The following COX10 variants were observed in gnomAD, a reference collection of about 807,000 sequenced individuals.
COX10 encodes cytochrome c oxidase assembly factor heme A:farnesyltransferase COX10.
COX10 carries 27 observed loss-of-function variants against 37.3 expected under a neutral mutation model. The ratio of observed to expected loss-of-function variants is 0.72; its 90% CI spans 0.53 to 1.00. The LOEUF is 1.00. Ranked by LOEUF, COX10 falls within the 50% of genes least tolerant of loss-of-function variation. The probability of loss-of-function intolerance (pLI) is 0.00; values close to 1 mark genes in which losing one functional copy is unlikely to be tolerated. For synonymous variants in COX10, 222 were observed against 229.1 expected, an observed-to-expected ratio of 0.97 and a Z score of 0.28; for missense variants, 475 against 563.2, an observed-to-expected ratio of 0.84 and a Z score of 1.59.
At chr17:14,149,238 A>G (rs1189850786) in intron 4 of COX10, among the ~76,000 whole-genome samples, 1 of 152,044 alleles carries the variant, frequency 6.6e-6, no homozygotes, top group Non-Finnish European at 1.5e-5. Flanking sequence ...AAAGATTAAT[A>G]TAAATACTTA....
intron 5 of COX10, 138 bp from the exon 6 acceptor site, chr17:14,191,851 C>T: frequency 3.6e-6 from 3 of 838,114 alleles, no homozygotes; most frequent in Non-Finnish European, 3.9e-6. Context: ...AGAGGATTCC[C>T]CATATCCAGG....
intron 3 of COX10, among the ~76,000 whole-genome samples, chr17:14,100,768 A>G (rs1441632610): frequency 6.6e-6 from 1 of 152,204 alleles, no homozygotes; most frequent in Non-Finnish European, 1.5e-5. Context: ...TTTTCATTTT[A>G]AAAACATCAC....
Position 14,192,142 on chromosome 17 carries a change from C to G in COX10, c.849C>G (p.Ala283=). 6.2e-7 allele frequency: 1 copy of G among 1,614,260 alleles called. No individual in the cohort carries two copies. The highest frequency in any genetic ancestry group is 1.1e-5 in the South Asian group (1 of 91,090). ...CYTPLKRISI[A]NTWVGAVVGA... ...CACCACTGAAAAGGATCAGCATTGC[C>G]AACACATGGGTCGGAGCTGTGGTTG... Residue 283 remains alanine, a synonymous_variant, in exon 6 of 7, where the codon GCC becomes GCG. Transcript: ENST00000261643.
rs1423454046 is a variant in COX10 at position 14,160,055 on chromosome 17, A to G, written c.695+108A>G. 6.2e-6 allele frequency: 6 copies of G among 974,224 alleles called. No individual in the cohort carries two copies. In the Admixed American group the frequency reaches 1.2e-4, roughly 20 times the overall value. The allele number at this position is 974,224 out of a possible 1,614,324, so 60.3% of individuals were successfully genotyped here. A position where few individuals can be genotyped will look rare whatever the true frequency, so the allele number is the denominator to read the frequency against. ...TTGAGCTGCGAAGTGGAAATAAAAT[A>G]CCCACAAAGAAACAAAGTGATATGG... On this transcript the variant is annotated intron_variant, in intron 5 of 6. Coordinates refer to ENST00000261643, the MANE Select transcript of COX10 (RefSeq NM_001303.4).
At position 14,074,411 on chromosome 17, in the gene COX10, T is replaced by G; in HGVS notation, c.132T>G (p.Asn44Lys). Residue 44 changes from asparagine (N) to lysine (K), a missense_variant, in exon 2 of 7, where the codon AAT becomes AAG. Physicochemically the swap from Asn to Lys is moderately conservative, Grantham distance 94. This residue lies in a region of COX10 where 242 missense variants were observed against 242.5 expected (regional missense o/e 1.00). Transcript: ENST00000261643. Reference protein sequence around the residue: ...HKFLHLLRNVNKQWITFQHFS... With the variant: ...HKFLHLLRNVKKQWITFQHFS... ...TCTTACATCTTCTCAGGAATGTCAA[T>G]AAGCAGTGGATTACATTTCAGCACT... The G allele has an allele frequency of 6.2e-7, 1 of 1,613,950 alleles. No homozygotes were observed. The highest frequency in any genetic ancestry group is 8.5e-7 in the Non-Finnish European group (1 of 1,179,802).
chr17:14,186,676 G>T (rs1387204489), intron 5 of COX10, among the ~76,000 whole-genome samples: 1 of 151,696 alleles, frequency 6.6e-6, no homozygotes, highest in Non-Finnish European at 1.5e-5. Flanking sequence ...GCAGTATTAG[G>T]CTATTTGCAT....
At chr17:14,126,717 G>T (rs1311285825) in intron 4 of COX10, among the ~76,000 whole-genome samples, 3 of 152,078 alleles carry the variant, frequency 2.0e-5, no homozygotes, top group Non-Finnish European at 4.4e-5. Context: ...GTGGGAGGAT[G>T]CAATGGAGTA....
chr17:14,208,492 G>A lies in COX10; in HGVS notation c.*1279G>A, dbSNP rs1906775812. Reference sequence around the variant, plus strand: ...CTCAAAAATGTCTAAAGGGATTGTAGGTAGATAACATCCAATCACTGTTTG... The same window carrying A: ...CTCAAAAATGTCTAAAGGGATTGTAAGTAGATAACATCCAATCACTGTTTG... On this transcript the variant is annotated 3_prime_UTR_variant, in exon 7 of 7. Transcript: ENST00000261643. The A allele has an allele frequency of 6.6e-6, 1 of 152,196 alleles. No homozygotes were observed. Among genetic ancestry groups the A allele is most frequent in the Non-Finnish European group, 1.5e-5 (1 of 68,040 alleles). The allele number at this position is 152,196 out of a possible 1,614,324, so 9.4% of individuals were successfully genotyped here.
intron 3 of COX10, among the ~76,000 whole-genome samples, chr17:14,083,924 G>A (rs1915354586): frequency 6.6e-6 from 1 of 152,144 alleles, no homozygotes; most frequent in Non-Finnish European, 1.5e-5. Context: ...AGTAACATCT[G>A]TGCTGAAAAG....
chr17:14,171,060 AAC>A (rs1468902266), intron 5 of COX10, among the ~76,000 whole-genome samples: 1 of 152,154 alleles, frequency 6.6e-6, no homozygotes, highest in Non-Finnish European at 1.5e-5. Context: ...AGTAAGCAAA[AAC>A]ACACGCTGAA....
chr17:14,109,818 C>T (rs928047580), intron 4 of COX10, among the ~76,000 whole-genome samples: 15 of 152,110 alleles, frequency 9.9e-5, no homozygotes, highest in African/African-American at 2.9e-4. Context: ...CTACCTCTAA[C>T]GACATCGAGT....
chr17:14,206,047 G>C (rs1295701635), intron 6 of COX10, among the ~76,000 whole-genome samples: 1 of 152,168 alleles, frequency 6.6e-6, no homozygotes, highest in Non-Finnish European at 1.5e-5. Context: ...AACACATGTG[G>C]TTTTGACACC....
chr17:14,089,027 C>G (rs563680332), intron 3 of COX10, among the ~76,000 whole-genome samples: 1 of 152,302 alleles, frequency 6.6e-6, no homozygotes, highest in South Asian at 2.1e-4. Context: ...CTACCTCCAG[C>G]TGCAAGGGAG....
At chr17:14,193,332 C>T (rs1051168417) in intron 6 of COX10, among the ~76,000 whole-genome samples, 14 of 152,170 alleles carry the variant, frequency 9.2e-5, no homozygotes, top group Non-Finnish European at 1.8e-4. Context: ...ATCTTCTCCC[C>T]TCCTGGAGTC....
chr17:14,154,286 A>G (rs1471975234), intron 4 of COX10, among the ~76,000 whole-genome samples: 1 of 152,246 alleles, frequency 6.6e-6, no homozygotes, highest in Non-Finnish European at 1.5e-5. Flanking sequence ...CATGTCGATT[A>G]TACCTTAATG....
chr17:14,168,850 G>A (rs1905369422), intron 5 of COX10, among the ~76,000 whole-genome samples: 2 of 152,238 alleles, frequency 1.3e-5, no homozygotes, highest in South Asian at 4.1e-4. Flanking sequence ...AGGGGCTGCA[G>A]CAAAGATCTC....
At chr17:14,180,292 G>A (rs1905817903) in intron 5 of COX10, among the ~76,000 whole-genome samples, 1 of 151,998 alleles carries the variant, frequency 6.6e-6, no homozygotes, top group African/African-American at 2.4e-5. Flanking sequence ...CTTTTTTTTA[G>A]TGTTAACCAG....
intron 4 of COX10, 97 bp downstream of exon 4, chr17:14,102,339 A>T: frequency 7.0e-7 from 1 of 1,426,516 alleles, no homozygotes; most frequent in Non-Finnish European, 9.7e-7. Context: ...TCATATATTG[A>T]TGGAGAAGCA....
chr17:14,146,896 C>G (rs1384084231), intron 4 of COX10, among the ~76,000 whole-genome samples: 1 of 152,084 alleles, frequency 6.6e-6, no homozygotes, highest in Non-Finnish European at 1.5e-5. Context: ...TGAGAAGATG[C>G]TCAACATCAT....
Sources: gnomAD v4.1 joint callset for allele counts (sites outside exome capture counted in the v4.1 genomes callset) on GRCh38, gnomAD v4.1.1 for gene constraint, gnomAD v4.1.1 regional missense constraint, MANE v1.5 for transcripts, NCBI Gene and HGNC (gene_info 2026-07-23, HGNC 2026-07-21) for gene names.